Variants in SH3RF3 observed in about 807,000 individuals in gnomAD.
The protein encoded by SH3RF3 is SH3 domain containing ring finger 3.
Under a neutral mutation model 66.3 loss-of-function variants are expected in SH3RF3, and 29 were observed. The observed-to-expected ratio is 0.44, with a 90% CI of 0.33 to 0.60. SH3RF3 has a LOEUF of 0.60. SH3RF3 is among the 20% of genes least tolerant of loss of function. The pLI is 0.04. For missense variants in SH3RF3, 1,194 were observed against 1,190.9 expected (o/e 1.00, Z -0.04); for synonymous variants, 583 against 532.0 (o/e 1.10, Z -1.32).
intron 1 of SH3RF3, among the ~76,000 whole-genome samples, chr2:109,247,605 A>G (rs1468948101): frequency 6.6e-6 from 1 of 152,188 alleles, no homozygotes; most frequent in Non-Finnish European, 1.5e-5. Context: ...TTTGTAAACA[A>G]AGGTGTGAGT....
At chr2:109,282,586 A>G (rs1169675926) in intron 1 of SH3RF3, among the ~76,000 whole-genome samples, 1 of 152,010 alleles carries the variant, frequency 6.6e-6, no homozygotes, top group African/African-American at 2.4e-5. Flanking sequence ...TGGCCAGGAG[A>G]ACGGCGCACA....
At position 109,504,021 on chromosome 2, in the gene SH3RF3, T is replaced by C. The variant is rs1406542113; in HGVS notation, c.*2350T>C. ...GGTCTGGCCAGAGCTCTGGAGCCAA[T>C]GCCGGGCTGCCTGAGAGCAGAGGAA... is the stretch of plus-strand genomic sequence containing the variant. On this transcript the variant is annotated 3_prime_UTR_variant, in exon 10 of 10. Coordinates refer to ENST00000309415, the MANE Select transcript of SH3RF3 (RefSeq NM_001099289.3). The C allele has an allele frequency of 6.6e-6, 1 of 152,162 alleles. No individual in the cohort carries two copies. The highest frequency in any genetic ancestry group is 2.4e-5 in the African/African-American group (1 of 41,426). 9.4% of individuals were successfully genotyped at this position (152,162 alleles called of 1,614,324 possible).
chr2:109,326,916 T>C (rs1394650618), intron 1 of SH3RF3, among the ~76,000 whole-genome samples: 2 of 152,232 alleles, frequency 1.3e-5, no homozygotes, highest in Admixed American at 6.5e-5. Context: ...GCACGCTGGC[T>C]CTACCATTCG....
intron 1 of SH3RF3, among the ~76,000 whole-genome samples, chr2:109,237,508 C>T (rs574574842): frequency 1.3e-5 from 2 of 152,192 alleles, no homozygotes; most frequent in East Asian, 1.9e-4. Flanking sequence ...GTCCAACCCG[C>T]GGCCTGCAGG....
intron 9 of SH3RF3, 113 bp downstream of exon 9, chr2:109,491,049 A>G (rs949545006): frequency 1.8e-5 from 18 of 1,023,724 alleles, no homozygotes; most frequent in South Asian, 2.6e-5. Flanking sequence ...GGTTTACCAG[A>G]TGTACCTCAA....
At chr2:109,210,201 A>G (rs1482105161) in intron 1 of SH3RF3, among the ~76,000 whole-genome samples, 1 of 152,200 alleles carries the variant, frequency 6.6e-6, no homozygotes, top group East Asian at 1.9e-4. Flanking sequence ...GTATTCATTC[A>G]TCTGTTCACA....
intron 1 of SH3RF3, among the ~76,000 whole-genome samples, chr2:109,182,341 C>T (rs1324956192): frequency 6.6e-6 from 1 of 152,168 alleles, no homozygotes; most frequent in Non-Finnish European, 1.5e-5. Flanking sequence ...CTAGCCCACT[C>T]CCATGACAAT....
chr2:109,187,177 C>T (rs937712482), intron 1 of SH3RF3, among the ~76,000 whole-genome samples: 1 of 152,222 alleles, frequency 6.6e-6, no homozygotes, highest in Admixed American at 6.5e-5. Context: ...GTCGTCATTA[C>T]AAGAAAGTAT....
intron 9 of SH3RF3, among the ~76,000 whole-genome samples, chr2:109,491,734 A>C (rs1452842128): frequency 1.3e-5 from 2 of 152,188 alleles, no homozygotes. Flanking sequence ...GGATGGTAGA[A>C]AGATATGATC....
rs189219254 is a variant in SH3RF3, at chr2:109,237,174, T to C, written c.573+107061T>C. 7.4e-3 allele frequency among the ~76,000 whole-genome samples: 1,124 copies of C among 152,314 alleles called. 9 individuals are homozygous for C. Among genetic ancestry groups the C allele is most frequent in the South Asian group, 0.024 (115 of 4,832 alleles). On this transcript the variant is annotated intron_variant, in intron 1 of 9. Coordinates refer to ENST00000309415, the MANE Select transcript of SH3RF3 (RefSeq NM_001099289.3). ...TTAAAGAGTTAATATTTGTAATATA[T>C]GAACACTCTGTTAAAAGTGGTTGTT...
chr2:109,447,362 A>G (rs1255118364), intron 7 of SH3RF3, among the ~76,000 whole-genome samples: 1 of 152,088 alleles, frequency 6.6e-6, no homozygotes, highest in African/African-American at 2.4e-5. Context: ...TGTATGTCTC[A>G]CGGTGCTACT....
At chr2:109,399,939 T>G (rs886750285) in intron 4 of SH3RF3, among the ~76,000 whole-genome samples, 1 of 152,182 alleles carries the variant, frequency 6.6e-6, no homozygotes, top group African/African-American at 2.4e-5. Flanking sequence ...GCTGCAGCCT[T>G]CCACCCAGCG....
intron 7 of SH3RF3, among the ~76,000 whole-genome samples, chr2:109,447,144 A>AT: frequency 7.9e-6 from 1 of 127,000 alleles, no homozygotes; most frequent in East Asian, 2.4e-4. Context: ...AGCCCTGAAT[A>AT]TTTAAAAAAA....
chr2:109,131,315 G>A (rs1008658454), intron 1 of SH3RF3, among the ~76,000 whole-genome samples: 2 of 152,080 alleles, frequency 1.3e-5, no homozygotes, highest in African/African-American at 4.8e-5. Flanking sequence ...GTCACTTGGG[G>A]GGCACTGCTG....
intron 4 of SH3RF3, among the ~76,000 whole-genome samples, chr2:109,404,358 G>A (rs890769295): frequency 4.6e-5 from 7 of 152,220 alleles, no homozygotes; most frequent in Non-Finnish European, 1.5e-5. Flanking sequence ...AGGCCTGGCG[G>A]GGAGTGGGGT....
At chr2:109,403,692 G>T (rs565019595) in intron 4 of SH3RF3, among the ~76,000 whole-genome samples, 1 of 152,186 alleles carries the variant, frequency 6.6e-6, no homozygotes, top group Admixed American at 6.5e-5. Context: ...GGAGGTGCAG[G>T]CTCCCTCTCT....
At chr2:109,149,265 C>G (rs990498074) in intron 1 of SH3RF3, among the ~76,000 whole-genome samples, 1 of 152,148 alleles carries the variant, frequency 6.6e-6, no homozygotes, top group Non-Finnish European at 1.5e-5. Context: ...TTCTATGGCC[C>G]CCCGGGACCC....
At chr2:109,252,598 G>T (rs142422207) in intron 1 of SH3RF3, among the ~76,000 whole-genome samples, 2 of 152,292 alleles carry the variant, frequency 1.3e-5, no homozygotes, top group African/African-American at 4.8e-5. Context: ...GATGGATTAT[G>T]TCCTGATAAA....
intron 5 of SH3RF3, among the ~76,000 whole-genome samples, chr2:109,421,066 C>T (rs1676863832): frequency 6.6e-6 from 1 of 152,342 alleles, no homozygotes; most frequent in African/African-American, 2.4e-5. Flanking sequence ...ATGCTCCTAG[C>T]TCAGTTCTGG....
Sources: gnomAD v4.1 joint callset for allele counts (sites outside exome capture counted in the v4.1 genomes callset) on GRCh38, gnomAD v4.1.1 for gene constraint, MANE v1.5 for transcripts, NCBI Gene and HGNC (gene_info 2026-07-23, HGNC 2026-07-21) for gene names.